The following CACNA1E variants were observed in gnomAD, a reference collection of about 807,000 sequenced individuals.
CACNA1E encodes the protein voltage-dependent R-type calcium channel subunit alpha-1E.
CACNA1E carries 40 observed loss-of-function variants against 259.2 expected under a neutral mutation model. The observed-to-expected ratio is 0.15, with a 90% confidence interval of 0.12 to 0.20. CACNA1E has a LOEUF of 0.20. Ranked by LOEUF, CACNA1E falls within the 10% of genes least tolerant of loss-of-function variation. The pLI is 1.00. For missense variants in CACNA1E, 1,874 were observed against 3,040.1 expected (o/e 0.62, Z 9.02); for synonymous variants, 1,104 against 1,138.5 (o/e 0.97, Z 0.61).
rs191165624 is a variant in CACNA1E at position 181,656,783 on chromosome 1, T to A, written c.1055+5342T>A. 7.2e-3 allele frequency among the ~76,000 whole-genome samples: 1,091 copies of A among 152,314 alleles called. 10 individuals are homozygous for A. Among genetic ancestry groups the A allele is most frequent in the Non-Finnish European group, 9.5e-3 (648 of 68,030 alleles). On this transcript the variant is annotated intron_variant, in intron 7 of 47. Coordinates refer to ENST00000367573, the MANE Select transcript of CACNA1E (RefSeq NM_001205293.3). The stretch of plus-strand genomic sequence containing the variant: ...ATTTTTTAAAATCTTTTATACCATA[T>A]TTTTACTATCCCTTTTCTATGTTTA...
intron 1 of CACNA1E, among the ~76,000 whole-genome samples, chr1:181,498,614 A>G (rs2102551330): frequency 6.6e-6 from 1 of 152,290 alleles, no homozygotes; most frequent in African/African-American, 2.4e-5. Flanking sequence ...TCATTAGCAT[A>G]ACAGAATACT....
At chr1:181,702,131 G>A (rs1652326277) in intron 7 of CACNA1E, among the ~76,000 whole-genome samples, 1 of 152,038 alleles carries the variant, frequency 6.6e-6, no homozygotes, top group Non-Finnish European at 1.5e-5. Flanking sequence ...TATATACACA[G>A]CTGAATTCCT....
intron 6 of CACNA1E, among the ~76,000 whole-genome samples, chr1:181,622,467 G>A (rs184827337): frequency 7.9e-5 from 12 of 152,310 alleles, no homozygotes; most frequent in Middle Eastern, 6.8e-3. Context: ...CCAAGGTGTT[G>A]GCAGGTTTGT....
At chr1:181,565,826 A>G (rs931971834) in intron 3 of CACNA1E, among the ~76,000 whole-genome samples, 1 of 152,124 alleles carries the variant, frequency 6.6e-6, no homozygotes, top group African/African-American at 2.4e-5. Flanking sequence ...CCTGGTCTTC[A>G]GCTGTGTCCT....
chr1:181,534,378 A>G (rs774838600), intron 3 of CACNA1E, among the ~76,000 whole-genome samples: 13 of 152,178 alleles, frequency 8.5e-5, no homozygotes, highest in Non-Finnish European at 1.5e-4. Flanking sequence ...GAGTGATAAT[A>G]TACATACAAT....
intron 2 of CACNA1E, among the ~76,000 whole-genome samples, chr1:181,474,525 C>A (rs1662718487): frequency 6.6e-6 from 1 of 152,154 alleles, no homozygotes; most frequent in Non-Finnish European, 1.5e-5. Flanking sequence ...GTACACTTGG[C>A]TGGCAGAACG....
upstream of CACNA1E, among the ~76,000 whole-genome samples, chr1:181,479,980 T>A (rs1295735607): frequency 6.6e-6 from 1 of 152,202 alleles, no homozygotes; most frequent in African/African-American, 2.4e-5. Context: ...AACACATGTA[T>A]TATTCAACCA....
intron 25 of CACNA1E, among the ~76,000 whole-genome samples, chr1:181,739,461 A>T (rs1389236458): frequency 6.6e-6 from 1 of 152,176 alleles, no homozygotes; most frequent in Non-Finnish European, 1.5e-5. Context: ...CGGGGGAAGC[A>T]GGAGTAGGGA....
intron 1 of CACNA1E, among the ~76,000 whole-genome samples, chr1:181,332,206 G>A (rs1651329783): frequency 1.3e-5 from 2 of 152,210 alleles, no homozygotes; most frequent in Admixed American, 1.3e-4. Context: ...ACACACTGGG[G>A]CCTGTCGAAG....
chr1:181,726,411 TGGA>T (rs1292960641), intron 18 of CACNA1E, among the ~76,000 whole-genome samples: 2 of 152,162 alleles, frequency 1.3e-5, no homozygotes, highest in African/African-American at 4.8e-5. Context: ...GGTCCTATGG[TGGA>T]GAAGTACAGG....
chr1:181,521,495 T>A (rs1377976461), intron 3 of CACNA1E, among the ~76,000 whole-genome samples: 1 of 151,848 alleles, frequency 6.6e-6, no homozygotes, highest in Non-Finnish European at 1.5e-5. Context: ...TGAACTATGG[T>A]GTGGGGGAAA....
At chr1:181,386,778 T>C (rs948086419) in intron 1 of CACNA1E, among the ~76,000 whole-genome samples, 4 of 152,192 alleles carry the variant, frequency 2.6e-5, no homozygotes, top group Non-Finnish European at 5.9e-5. Flanking sequence ...TGCACCCCCA[T>C]GTAGGCCCTT....
chr1:181,524,834 C>T (rs1006167741), intron 3 of CACNA1E, among the ~76,000 whole-genome samples: 3 of 152,176 alleles, frequency 2.0e-5, no homozygotes. Context: ...TGGGCAGCTG[C>T]CTTCTAGCAA....
intron 7 of CACNA1E, among the ~76,000 whole-genome samples, chr1:181,653,045 C>A (rs1658899015): frequency 6.6e-6 from 1 of 151,996 alleles, no homozygotes; most frequent in South Asian, 2.1e-4. Context: ...TGGGAGAGAC[C>A]AGAGAAACAG....
chr1:181,568,768 T>C (rs1329196560), intron 3 of CACNA1E, among the ~76,000 whole-genome samples: 1 of 152,144 alleles, frequency 6.6e-6, no homozygotes, highest in Non-Finnish European at 1.5e-5. Flanking sequence ...TTATTTTTAT[T>C]TATTTTCATA....
intron 1 of CACNA1E, among the ~76,000 whole-genome samples, chr1:181,360,853 G>C (rs79225200): frequency 0.021 from 3,241 of 152,082 alleles, 112 homozygotes; most frequent in African/African-American, 0.075. Context: ...ACCATATGTG[G>C]CTCAGCCTTT....
chr1:181,750,608 T>G, intron 26 of CACNA1E, 121 bp downstream of exon 26: 1 of 874,516 alleles, frequency 1.1e-6, no homozygotes. Context: ...TTTTTATTTA[T>G]ATCCAAGGGA....
At chr1:181,342,591 G>A (rs542940879) in intron 1 of CACNA1E, among the ~76,000 whole-genome samples, 20 of 152,296 alleles carry the variant, frequency 1.3e-4, no homozygotes, top group South Asian at 4.1e-4. Flanking sequence ...AATCCTTGCC[G>A]TCTGATTCCA....
chr1:181,682,905 G>A (rs973615125), intron 7 of CACNA1E, among the ~76,000 whole-genome samples: 2 of 150,734 alleles, frequency 1.3e-5, no homozygotes, highest in African/African-American at 5.0e-5. Flanking sequence ...CACCTCCAGT[G>A]TTGGGGATTA....
Sources: gnomAD v4.1 joint callset for allele counts (sites outside exome capture counted in the v4.1 genomes callset) on GRCh38, gnomAD v4.1.1 for gene constraint, MANE v1.5 for transcripts, NCBI Gene and HGNC (gene_info 2026-07-23, HGNC 2026-07-21) for gene names.